The following NKAIN3 variants were observed in gnomAD, a reference collection of about 807,000 sequenced individuals.
The protein encoded by NKAIN3 is sodium/potassium-transporting ATPase subunit beta-1-interacting protein 3.
In NKAIN3, 25 loss-of-function variants were observed where a neutral mutation model predicts 30.2. The ratio of observed to expected loss-of-function variants is 0.83; its 90% CI spans 0.60 to 1.16. NKAIN3 has a LOEUF of 1.16. Ranked by LOEUF, NKAIN3 falls within the 50% of genes most tolerant of loss-of-function variation. The probability of loss-of-function intolerance (pLI) is 0.00; values close to 1 mark genes in which losing one functional copy is unlikely to be tolerated. For synonymous variants in NKAIN3, 91 were observed against 89.6 expected (o/e 1.02, Z -0.09); for missense variants, 225 against 254.1 (o/e 0.89, Z 0.78).
chr8:62,919,235 T>TTTTC (rs1450396886), intron 5 of NKAIN3, among the ~76,000 whole-genome samples: 2 of 83,278 alleles, frequency 2.4e-5, no homozygotes, highest in African/African-American at 1.2e-4. Flanking sequence ...AAATTTTTTT[T>TTTTC]TTTTTTTTTT....
At chr8:62,543,149 A>T (rs934486809) in intron 1 of NKAIN3, among the ~76,000 whole-genome samples, 2 of 152,190 alleles carry the variant, frequency 1.3e-5, no homozygotes, top group Non-Finnish European at 2.9e-5. Flanking sequence ...TCTCTTCAAC[A>T]AAAGGTATAT....
Position 62,982,650 on chromosome 8 carries a change from T to G in NKAIN3, c.*17243T>G, listed in dbSNP as rs190607626. 1 of 152,320 alleles carries G rather than the reference T, an allele frequency of 6.6e-6. No homozygotes were observed. Among genetic ancestry groups the G allele is most frequent in the African/African-American group, 2.4e-5 (1 of 41,568 alleles). 9.4% of individuals were successfully genotyped at this position (152,320 alleles called of 1,614,324 possible). A position where few individuals can be genotyped will look rare whatever the true frequency, so the allele number is the denominator to read the frequency against. On this transcript the variant is annotated 3_prime_UTR_variant, in exon 7 of 7. Coordinates refer to ENST00000623646, the MANE Select transcript of NKAIN3 (RefSeq NM_001304533.3). Reference sequence around the variant, plus strand: ...GAGTCCTGACATGAGTTCTCTAGAATTTTCCCCTTTGATAAATTTTCCTTT... The same window carrying G: ...GAGTCCTGACATGAGTTCTCTAGAAGTTTCCCCTTTGATAAATTTTCCTTT...
intron 3 of NKAIN3, among the ~76,000 whole-genome samples, chr8:62,737,788 A>G (rs950675543): frequency 2.6e-5 from 4 of 152,176 alleles, no homozygotes; most frequent in Non-Finnish European, 5.9e-5. Flanking sequence ...TGTGCTGTTA[A>G]TCATCAACCC....
chr8:62,891,519 T>A (rs1821295326), intron 4 of NKAIN3, among the ~76,000 whole-genome samples: 1 of 152,202 alleles, frequency 6.6e-6, no homozygotes, highest in African/African-American at 2.4e-5. Flanking sequence ...ATTCTCGTAA[T>A]AAACTCCCCT....
intron 3 of NKAIN3, among the ~76,000 whole-genome samples, chr8:62,651,633 C>T (rs1289871725): frequency 6.6e-6 from 1 of 152,130 alleles, no homozygotes; most frequent in Non-Finnish European, 1.5e-5. Context: ...TGTGTTCTCA[C>T]ATGGTGATAT....
intron 3 of NKAIN3, among the ~76,000 whole-genome samples, chr8:62,621,836 T>A (rs1033866233): frequency 2.0e-5 from 3 of 152,048 alleles, no homozygotes; most frequent in African/African-American, 7.2e-5. Context: ...CAGATTTATG[T>A]TTTATATTTA....
intron 3 of NKAIN3, among the ~76,000 whole-genome samples, chr8:62,619,595 T>C (rs1436544781): frequency 3.3e-5 from 5 of 151,784 alleles, no homozygotes; most frequent in Non-Finnish European, 5.9e-5. Flanking sequence ...AACCAAGCTG[T>C]GCCCCTGACG....
intron 4 of NKAIN3, among the ~76,000 whole-genome samples, chr8:62,757,079 CAT>C (rs1490177657): frequency 2.6e-5 from 4 of 151,992 alleles, no homozygotes; most frequent in East Asian, 1.9e-4. Flanking sequence ...AAGCCATTAA[CAT>C]AGAAAATCTG....
intron 3 of NKAIN3, among the ~76,000 whole-genome samples, chr8:62,697,100 A>G (rs114409702): frequency 0.041 from 6,171 of 152,214 alleles, 415 homozygotes; most frequent in African/African-American, 0.14. Context: ...AGCAGGCGTA[A>G]TCCTTTAAAA....
rs369019435 is a variant in NKAIN3, at chr8:62,977,502, G to A, written c.*12095G>A. 6.6e-6 allele frequency among the ~76,000 whole-genome samples: 1 copy of A among 151,674 alleles called. No homozygotes were observed. The highest frequency in any genetic ancestry group is 1.9e-4 in the East Asian group (1 of 5,130). On this transcript the variant is annotated 3_prime_UTR_variant, in exon 7 of 7. Transcript: ENST00000623646. ...GATCGATTCAGCTATTGATACTTGT[G>A]TATGCTTCATGAAGTTCTCGTGCTG... is the stretch of plus-strand genomic sequence containing the variant.
intron 1 of NKAIN3, among the ~76,000 whole-genome samples, chr8:62,546,407 G>A (rs554526191): frequency 6.6e-6 from 1 of 152,270 alleles, no homozygotes; most frequent in East Asian, 1.9e-4. Context: ...CTGATCTCAG[G>A]AGCACATAAT....
At chr8:62,960,024 A>G (rs1311321318) in intron 6 of NKAIN3, among the ~76,000 whole-genome samples, 1 of 152,224 alleles carries the variant, frequency 6.6e-6, no homozygotes, top group Non-Finnish European at 1.5e-5. Context: ...TTGATGCATC[A>G]TAAGAATGGT....
rs749252619 is a variant in NKAIN3 at position 62,249,236 on chromosome 8, A to C, written c.54+109A>C. On this transcript the variant is annotated intron_variant, in intron 1 of 6. Transcript: ENST00000623646. ...CCCGGCAAGGGGCGAACGGGTGAAC[A>C]GGGCGCTCCGCCCGCCTCCCACCCT... The C allele has an allele frequency of 4.3e-6, 4 of 924,158 alleles. No individual in the cohort carries two copies. The South Asian group carries it at 7.0e-5, about 16-fold the overall frequency. 57.2% of individuals were successfully genotyped at this position (924,158 alleles called of 1,614,324 possible).
At chr8:62,788,933 T>C (rs56350858) in intron 4 of NKAIN3, among the ~76,000 whole-genome samples, 26,535 of 152,168 alleles carry the variant, frequency 0.17, 2,512 homozygotes, top group East Asian at 0.29. Context: ...TTGGTTACTG[T>C]AGTCTTCTAG....
chr8:62,797,086 C>T (rs1462690460), intron 4 of NKAIN3, among the ~76,000 whole-genome samples: 2 of 152,186 alleles, frequency 1.3e-5, no homozygotes, highest in Non-Finnish European at 2.9e-5. Context: ...GTGACTTGAT[C>T]TTTATTCTCT....
intron 1 of NKAIN3, among the ~76,000 whole-genome samples, chr8:62,578,826 G>A (rs1810203057): frequency 6.6e-6 from 1 of 151,852 alleles, no homozygotes; most frequent in Admixed American, 6.6e-5. Context: ...TTATTTGTGG[G>A]AGCAAAAATT....
At chr8:62,689,740 C>T (rs1813904894) in intron 3 of NKAIN3, among the ~76,000 whole-genome samples, 1 of 152,060 alleles carries the variant, frequency 6.6e-6, no homozygotes. Context: ...ATTTCCTCTT[C>T]TTTATCTCTT....
At chr8:62,450,276 G>A (rs1209675372) in intron 1 of NKAIN3, among the ~76,000 whole-genome samples, 2 of 152,074 alleles carry the variant, frequency 1.3e-5, no homozygotes, top group Non-Finnish European at 2.9e-5. Flanking sequence ...TGTGGAGTGA[G>A]GATAGGATCC....
chr8:62,651,046 T>C (rs1029150053), intron 3 of NKAIN3, among the ~76,000 whole-genome samples: 7 of 152,062 alleles, frequency 4.6e-5, no homozygotes, highest in African/African-American at 1.7e-4. Flanking sequence ...TCAGAGACTC[T>C]CTATAAGATG....
Sources: gnomAD v4.1 joint callset for allele counts (sites outside exome capture counted in the v4.1 genomes callset) on GRCh38, gnomAD v4.1.1 for gene constraint, MANE v1.5 for transcripts, NCBI Gene and HGNC (gene_info 2026-07-23, HGNC 2026-07-21) for gene names.